The following TMLHE variants were observed in gnomAD, a reference collection of about 807,000 sequenced individuals.
TMLHE encodes trimethyllysine dioxygenase, mitochondrial.
Under a neutral mutation model 25.7 loss-of-function variants are expected in TMLHE, and 18 were observed. The ratio of observed to expected loss-of-function variants is 0.70; its 90% confidence interval spans 0.48 to 1.04. TMLHE has a LOEUF of 1.04. Ranked by LOEUF, TMLHE falls within the 50% of genes least tolerant of loss-of-function variation. The pLI, the probability that TMLHE is intolerant of heterozygous loss-of-function variation, is 0.00. For missense variants in TMLHE, 236 were observed against 259.0 expected (o/e 0.91, Z 0.61); for synonymous variants, 105 against 97.0 (o/e 1.08, Z -0.49).
At position 155,589,949 on chromosome X, in the gene TMLHE, G is replaced by A. The variant is rs185712121; in HGVS notation, c.-2+22843C>T. On this transcript the variant is annotated intron_variant, in intron 1 of 7. Coordinates refer to ENST00000334398, the MANE Select transcript of TMLHE (RefSeq NM_018196.4). ...TAAGAAAAAGAAGAAAATGTCAACC[G>A]AAAATTCTATTTGCAGCAAGACTGT... 1.2e-3 allele frequency among the ~76,000 whole-genome samples: 133 copies of A among 111,520 alleles called. No homozygotes were observed. In the East Asian group the frequency reaches 0.025, roughly 21 times the overall value.
chrX:155,522,705 G>A (rs1203088715), intron 3 of TMLHE, among the ~76,000 whole-genome samples: 2 of 111,602 alleles, frequency 1.8e-5, no homozygotes, highest in Admixed American at 9.5e-5. Flanking sequence ...GTTATGTATC[G>A]AACTAGTTCC....
chrX:155,539,045 A>G (rs782295477), intron 2 of TMLHE, among the ~76,000 whole-genome samples: 5 of 111,724 alleles, frequency 4.5e-5, no homozygotes, highest in Non-Finnish European at 9.4e-5. Context: ...AGGCAAGTGC[A>G]AAGCCAACCT....
chrX:155,546,536 G>GT lies in TMLHE; in HGVS notation c.-1-1260dup, dbSNP rs1422847556. Among the ~76,000 whole-genome samples, 3 of 109,316 alleles carry GT rather than the reference G, an allele frequency of 2.7e-5. No individual in the cohort carries two copies. In the Admixed American group the frequency reaches 3.0e-4, roughly 11 times the overall value. The allele number at this position is 109,316 out of a possible 115,157, so 94.9% of individuals were successfully genotyped here. On this transcript the variant is annotated intron_variant, in intron 1 of 7. Coordinates refer to ENST00000334398, the MANE Select transcript of TMLHE (RefSeq NM_018196.4). ...TGCCTGTGTGTGTGTGCGCGCATGC[G>GT]TATGTGTGGGTATGTGAGTTGTAAG...
rs782116404 is a variant in TMLHE at position 155,512,654 on chromosome X, ATGG to A, written c.639-865_639-863del. Reference sequence around the variant, plus strand: ...TTTTATTAGTACCATTTTTTCAATAATGGTGGTCATTTCCTAATATTTTGGATA... The same window carrying A: ...TTTTATTAGTACCATTTTTTCAATAATGGTCATTTCCTAATATTTTGGATA... On this transcript the variant is annotated intron_variant, in intron 4 of 7. Transcript: ENST00000334398. Among the ~76,000 whole-genome samples, 74 of 111,351 alleles carry A rather than the reference ATGG, an allele frequency of 6.6e-4. 1 individual carries two copies. In the South Asian group the frequency reaches 0.017, roughly 25 times the overall value.
intron 1 of TMLHE, among the ~76,000 whole-genome samples, chrX:155,576,134 A>T (rs1171998769): frequency 8.2e-5 from 9 of 110,302 alleles, no homozygotes; most frequent in African/African-American, 1.7e-4. Context: ...GATCTGATTT[A>T]AAAAAAAATC....
chrX:155,545,033 C>T, intron 2 of TMLHE, 63 bp downstream of exon 2: 1 of 1,137,227 alleles, frequency 8.8e-7, no homozygotes, highest in Non-Finnish European at 1.2e-6. Context: ...GATATATGTG[C>T]TGCCAAAGCA....
chrX:155,545,462 T>C (rs181906527), intron 1 of TMLHE, among the ~76,000 whole-genome samples, 185 bp from the exon 2 acceptor site: 1 of 112,390 alleles, frequency 8.9e-6, no homozygotes, highest in Admixed American at 9.4e-5. Flanking sequence ...TTACATTTTC[T>C]CATTAGCCAC....
chrX:155,559,235 G>C (rs782485928), intron 1 of TMLHE, among the ~76,000 whole-genome samples: 1 of 110,854 alleles, frequency 9.0e-6, no homozygotes, highest in Non-Finnish European at 1.9e-5. Context: ...TGTTCTTGTT[G>C]TCTTTACAAA....
intron 1 of TMLHE, among the ~76,000 whole-genome samples, chrX:155,572,544 A>C (rs1557343329): frequency 1.8e-5 from 1 of 57,122 alleles, no homozygotes; most frequent in Non-Finnish European, 4.6e-5. Context: ...CCTAAGCCAA[A>C]AGAACAAAGC....
At chrX:155,570,555 A>G (rs1253634150) in intron 1 of TMLHE, among the ~76,000 whole-genome samples, 1 of 56,779 alleles carries the variant, frequency 1.8e-5, no homozygotes, top group African/African-American at 4.2e-5. Context: ...ACCACACCAC[A>G]TCTATTCCAA....
At chrX:155,609,854 A>G (rs1351415349) in intron 1 of TMLHE, among the ~76,000 whole-genome samples, 7 of 112,587 alleles carry the variant, frequency 6.2e-5, no homozygotes, top group Non-Finnish European at 1.1e-4. Flanking sequence ...GAATAGCTAC[A>G]CATTTGAAAA....
chrX:155,541,443 C>A (rs1177352816), intron 2 of TMLHE, among the ~76,000 whole-genome samples: 1 of 111,689 alleles, frequency 9.0e-6, no homozygotes, highest in Admixed American at 9.5e-5. Context: ...TCCAGTTTCA[C>A]ACTGATGGGC....
chrX:155,582,453 C>T (rs1462183913), intron 1 of TMLHE, among the ~76,000 whole-genome samples: 1 of 111,442 alleles, frequency 9.0e-6, no homozygotes, highest in Non-Finnish European at 1.9e-5. Flanking sequence ...CCAGTATCTA[C>T]AAAGAACTTA....
In TMLHE at chrX:155,548,549, C is replaced by CAT. The variant is rs1310757308; in HGVS notation, c.-1-3274_-1-3273dup. On this transcript the variant is annotated intron_variant, in intron 1 of 7. Transcript: ENST00000334398. ...AGCAGTATGAGGCCAGCCTGACTAA[C>CAT]ATGGTGAAACCCTGTCTCTACTAAA... is the stretch of plus-strand genomic sequence containing the variant. 7.4e-5 allele frequency among the ~76,000 whole-genome samples: 8 copies of CAT among 107,444 alleles called. 1 individual carries two copies. Among genetic ancestry groups the CAT allele is most frequent in the African/African-American group, 1.8e-4 (5 of 28,008 alleles). The allele number at this position is 107,444 out of a possible 115,157, so 93.3% of individuals were successfully genotyped here. A position where few individuals can be genotyped will look rare whatever the true frequency, so the allele number is the denominator to read the frequency against.
chrX:155,550,176 G>C (rs2067405373), intron 1 of TMLHE, among the ~76,000 whole-genome samples: 1 of 110,642 alleles, frequency 9.0e-6, no homozygotes, highest in African/African-American at 3.3e-5. Context: ...CAGTGCTGCA[G>C]TCAACATACG....
chrX:155,532,565 C>G (rs2067255145), intron 2 of TMLHE, among the ~76,000 whole-genome samples: 1 of 111,237 alleles, frequency 9.0e-6, no homozygotes, highest in Non-Finnish European at 1.9e-5. Context: ...AATTGAAAGA[C>G]TGTCTGATAC....
At chrX:155,535,468 C>G (rs2067273251) in intron 2 of TMLHE, among the ~76,000 whole-genome samples, 1 of 111,539 alleles carries the variant, frequency 9.0e-6, no homozygotes, top group Non-Finnish European at 1.9e-5. Context: ...GGCACTAATT[C>G]CATCATGAGG....
chrX:155,586,131 G>T (rs1603087806), intron 1 of TMLHE, among the ~76,000 whole-genome samples: 1 of 109,630 alleles, frequency 9.1e-6, no homozygotes, highest in Non-Finnish European at 1.9e-5. Context: ...GGAGCCTGAG[G>T]CAGGAGAATT....
Position 155,549,363 on chromosome X carries a change from T to C in TMLHE, c.-1-4086A>G, listed in dbSNP as rs927760029. 9.9e-5 allele frequency among the ~76,000 whole-genome samples: 11 copies of C among 110,677 alleles called. No individual in the cohort carries two copies. In the East Asian group the frequency reaches 2.8e-3, roughly 28 times the overall value. On this transcript the variant is annotated intron_variant, in intron 1 of 7. Transcript: ENST00000334398. ...TTAGCCATGTTTTTGGATTTTTTTG[T>C]TATTGTTATTAATGGCCTTTTTCTG...
Sources: allele counts gnomAD v4.1 joint callset (sites outside exome capture counted in the v4.1 genomes callset), GRCh38; gene constraint gnomAD v4.1.1; transcripts MANE v1.5; gene names NCBI Gene and HGNC (gene_info 2026-07-23, HGNC 2026-07-21).